CHST8: variants seen among roughly 807,000 people sequenced by gnomAD.
CHST8 encodes the protein carbohydrate sulfotransferase 8.
CHST8 carries 10 observed loss-of-function variants against 15.0 expected under a neutral mutation model. The ratio of observed to expected loss-of-function variants is 0.67; its 90% CI spans 0.41 to 1.13. The LOEUF (loss-of-function observed/expected upper bound fraction) is 1.13. CHST8 is among the 50% of genes most tolerant of loss of function. The pLI is 0.00. For synonymous variants in CHST8, 259 were observed against 256.6 expected (o/e 1.01, Z -0.09); for missense variants, 634 against 608.2 (o/e 1.04, Z -0.45).
intron 3 of CHST8, among the ~76,000 whole-genome samples, chr19:33,701,330 C>A (rs747569034): frequency 2.6e-5 from 4 of 152,148 alleles, no homozygotes; most frequent in Non-Finnish European, 5.9e-5. Flanking sequence ...GGGTCTCTAG[C>A]CAGAGCCTCA....
At position 33,773,498 on chromosome 19, in the gene CHST8, G is replaced by A. The variant is rs547248026; in HGVS notation, c.*435G>A. 23 of 186,506 alleles carry A rather than the reference G, an allele frequency of 1.2e-4. No homozygotes were observed. In the South Asian group the frequency reaches 2.7e-3, roughly 22 times the overall value. The allele number at this position is 186,506 out of a possible 1,614,324, so 11.6% of individuals were successfully genotyped here. A position where few individuals can be genotyped will look rare whatever the true frequency, so the allele number is the denominator to read the frequency against. ...ATTAAGGTTCCAAATAAAGCACATG[G>A]TTTCCAGAGCAGCGGTGTGTACTCT... On this transcript the variant is annotated 3_prime_UTR_variant, in exon 5 of 5. Coordinates refer to ENST00000650847, the MANE Select transcript of CHST8 (RefSeq NM_001127895.2).
In CHST8 at chr19:33,737,029, T is replaced by A. The variant is rs187585024; in HGVS notation, c.131-34384T>A. ...CTAAAAGACATACCCACCAGCACCA[T>A]GACAGTTTACAGATGCCATGGCAAC... On this transcript the variant is annotated intron_variant, in intron 3 of 4. Transcript: ENST00000650847. 9.0e-4 allele frequency among the ~76,000 whole-genome samples: 137 copies of A among 152,260 alleles called. 1 individual carries two copies. The highest frequency in any genetic ancestry group is 3.0e-3 in the African/African-American group (123 of 41,526).
At chr19:33,754,202 A>C (rs1352269767) in intron 3 of CHST8, among the ~76,000 whole-genome samples, 1 of 147,770 alleles carries the variant, frequency 6.8e-6, no homozygotes, top group Non-Finnish European at 1.5e-5. Context: ...CAAGGAAGAC[A>C]CCCTTGTGTG....
intron 1 of CHST8, among the ~76,000 whole-genome samples, chr19:33,628,784 C>T (rs987684840): frequency 1.3e-5 from 2 of 152,200 alleles, no homozygotes; most frequent in Admixed American, 6.5e-5. Flanking sequence ...TCTGTCTAAA[C>T]TGGTACCTGG....
At chr19:33,651,027 T>C (rs1302283714) in intron 1 of CHST8, among the ~76,000 whole-genome samples, 1 of 152,182 alleles carries the variant, frequency 6.6e-6, no homozygotes, top group African/African-American at 2.4e-5. Flanking sequence ...ATATATGATT[T>C]GCAAATTTTA....
intron 1 of CHST8, among the ~76,000 whole-genome samples, chr19:33,647,059 C>T (rs1972363973): frequency 6.6e-6 from 1 of 152,238 alleles, no homozygotes; most frequent in African/African-American, 2.4e-5. Flanking sequence ...ATTTCTCTCG[C>T]AGTCGTATTA....
At chr19:33,654,102 C>T (rs1600239416) in intron 1 of CHST8, among the ~76,000 whole-genome samples, 1 of 152,284 alleles carries the variant, frequency 6.6e-6, no homozygotes, top group East Asian at 1.9e-4. Context: ...CACCTTGTCT[C>T]CTAGTTTACT....
At chr19:33,657,323 C>T (rs1568317220) in intron 1 of CHST8, among the ~76,000 whole-genome samples, 1 of 147,622 alleles carries the variant, frequency 6.8e-6, no homozygotes, top group Non-Finnish European at 1.5e-5. Flanking sequence ...GGCTGGAGTG[C>T]AGTAGCACGA....
intron 3 of CHST8, among the ~76,000 whole-genome samples, chr19:33,696,861 A>G (rs957085954): frequency 9.5e-5 from 14 of 147,560 alleles, no homozygotes; most frequent in African/African-American, 3.0e-4. Flanking sequence ...TTTTTTTGAG[A>G]CGGAGTTTTG....
chr19:33,766,086 C>G (rs1444039334), intron 3 of CHST8, among the ~76,000 whole-genome samples: 5 of 151,956 alleles, frequency 3.3e-5, no homozygotes, highest in African/African-American at 4.8e-5. Flanking sequence ...ATTGCCAGCC[C>G]CCAGAATCAC....
intron 3 of CHST8, among the ~76,000 whole-genome samples, chr19:33,722,990 G>A (rs114543391): frequency 2.2e-4 from 34 of 152,308 alleles, no homozygotes; most frequent in Admixed American, 6.5e-4. Context: ...AGATAAGCCC[G>A]GCTCTGCTGG....
chr19:33,760,493 AT>A (rs142953366), intron 3 of CHST8, among the ~76,000 whole-genome samples: 4 of 148,142 alleles, frequency 2.7e-5, no homozygotes, highest in Non-Finnish European at 4.5e-5. Flanking sequence ...TAATTTTTTC[AT>A]TTTTTTTTAG....
chr19:33,644,636 G>A (rs907784081), intron 1 of CHST8, among the ~76,000 whole-genome samples: 2 of 152,140 alleles, frequency 1.3e-5, no homozygotes, highest in African/African-American at 4.8e-5. Context: ...AGCAACTTGA[G>A]AGTCTGAGGC....
intron 2 of CHST8, among the ~76,000 whole-genome samples, chr19:33,672,964 AG>A (rs1189547041): frequency 2.6e-4 from 39 of 152,208 alleles, no homozygotes; most frequent in Non-Finnish European, 4.6e-4. Flanking sequence ...GGACGCGCCC[AG>A]GTCCACCACT....
At chr19:33,769,533 G>A (rs913064128) in intron 3 of CHST8, among the ~76,000 whole-genome samples, 3 of 152,096 alleles carry the variant, frequency 2.0e-5, no homozygotes, top group Non-Finnish European at 2.9e-5. Context: ...TGTCATCATC[G>A]GCTGCGGGAG....
chr19:33,741,408 C>T (rs981005166), intron 3 of CHST8, among the ~76,000 whole-genome samples: 1 of 152,282 alleles, frequency 6.6e-6, no homozygotes, highest in Middle Eastern at 3.4e-3. Context: ...GTCTGCTGTC[C>T]ACTGCAAGTC....
intron 3 of CHST8, among the ~76,000 whole-genome samples, chr19:33,700,884 G>A (rs1469319570): frequency 6.6e-6 from 1 of 152,226 alleles, no homozygotes; most frequent in Non-Finnish European, 1.5e-5. Context: ...CCCTGGAGTT[G>A]TGCAAAGACC....
chr19:33,707,497 A>G (rs1025434058), intron 3 of CHST8, among the ~76,000 whole-genome samples: 11 of 152,118 alleles, frequency 7.2e-5, no homozygotes, highest in African/African-American at 2.2e-4. Context: ...TTTCATATCA[A>G]TGTAATCATA....
intron 1 of CHST8, among the ~76,000 whole-genome samples, chr19:33,624,238 G>C (rs561290855): frequency 6.6e-6 from 1 of 152,246 alleles, no homozygotes; most frequent in African/African-American, 2.4e-5. Context: ...ATCAGGCAGC[G>C]TGGGGGCTCA....
Sources: allele counts gnomAD v4.1 joint callset (sites outside exome capture counted in the v4.1 genomes callset), GRCh38; gene constraint gnomAD v4.1.1; transcripts MANE v1.5; gene names NCBI Gene and HGNC (gene_info 2026-07-23, HGNC 2026-07-21).